PRKD1: variants seen among roughly 807,000 people sequenced by gnomAD.
PRKD1 encodes serine/threonine-protein kinase D1.
A neutral mutation model predicts 95.9 loss-of-function variants in PRKD1; 63 were observed. The ratio of observed to expected loss-of-function variants is 0.66; its 90% CI spans 0.54 to 0.81. PRKD1 has a LOEUF of 0.81. PRKD1 is among the 30% of genes least tolerant of loss of function. The pLI, the probability that PRKD1 is intolerant of heterozygous loss-of-function variation, is 0.00. For missense variants in PRKD1, 1,048 were observed against 1,165.3 expected (o/e 0.90, Z 1.47); for synonymous variants, 425 against 423.1 (o/e 1.00, Z -0.05).
At chr14:29,620,088 T>C (rs1182435764) in intron 13 of PRKD1, among the ~76,000 whole-genome samples, 1 of 151,756 alleles carries the variant, frequency 6.6e-6, no homozygotes, top group Non-Finnish European at 1.5e-5. Flanking sequence ...ATTCCCTATT[T>C]AATAAATGGT....
intron 1 of PRKD1, among the ~76,000 whole-genome samples, chr14:29,783,556 A>G (rs948879422): frequency 6.6e-6 from 1 of 152,208 alleles, no homozygotes; most frequent in Non-Finnish European, 1.5e-5. Context: ...TTCCATTTTA[A>G]GTTTCTAAGA....
At chr14:29,682,716 T>C (rs529757075) in intron 2 of PRKD1, among the ~76,000 whole-genome samples, 1 of 152,158 alleles carries the variant, frequency 6.6e-6, no homozygotes, top group Admixed American at 6.5e-5. Flanking sequence ...TAAACACAAT[T>C]ATAGGTAGAA....
intron 4 of PRKD1, chr14:29,656,399 T>C (rs1881840907): frequency 7.3e-7 from 1 of 1,374,158 alleles, no homozygotes; most frequent in Non-Finnish European, 1.0e-6. Context: ...CAGACAATTG[T>C]CTGATGTCAG....
chr14:29,697,962 T>A (rs916763427), intron 2 of PRKD1, among the ~76,000 whole-genome samples: 7 of 152,164 alleles, frequency 4.6e-5, no homozygotes, highest in African/African-American at 1.7e-4. Flanking sequence ...CTAAAGTAAC[T>A]TGAGGTCAAA....
intron 13 of PRKD1, among the ~76,000 whole-genome samples, chr14:29,619,453 T>G (rs1160489142): frequency 6.6e-6 from 1 of 152,214 alleles, no homozygotes; most frequent in Non-Finnish European, 1.5e-5. Context: ...AGCTAATATA[T>G]GCCAGGAACA....
At chr14:29,759,256 GA>G (rs909988201) in intron 1 of PRKD1, among the ~76,000 whole-genome samples, 1 of 151,814 alleles carries the variant, frequency 6.6e-6, no homozygotes, top group African/African-American at 2.4e-5. Flanking sequence ...AAAAAAAAAA[GA>G]AGAGAAAAAA....
intron 2 of PRKD1, among the ~76,000 whole-genome samples, chr14:29,722,726 A>G (rs1458330720): frequency 2.0e-5 from 3 of 152,172 alleles, no homozygotes; most frequent in African/African-American, 7.2e-5. Context: ...TGTGTGTCCT[A>G]TGTGGCTCGG....
intron 1 of PRKD1, among the ~76,000 whole-genome samples, chr14:29,901,429 C>T (rs1328278227): frequency 1.3e-5 from 2 of 152,156 alleles, no homozygotes. Flanking sequence ...TACCCTAAAC[C>T]TCAGCATCAT....
chr14:29,808,434 T>C (rs547976776), intron 1 of PRKD1, among the ~76,000 whole-genome samples: 1 of 140,608 alleles, frequency 7.1e-6, no homozygotes, highest in East Asian at 2.2e-4. Flanking sequence ...AGTTTTGCTC[T>C]TGTCGCCCAG....
At chr14:29,797,266 T>G (rs959957426) in intron 1 of PRKD1, among the ~76,000 whole-genome samples, 1 of 152,204 alleles carries the variant, frequency 6.6e-6, no homozygotes, top group Admixed American at 6.5e-5. Context: ...TTTAGGAGGA[T>G]ATCAGTATGC....
At chr14:29,670,385 A>C (rs1882770561) in intron 2 of PRKD1, among the ~76,000 whole-genome samples, 1 of 152,204 alleles carries the variant, frequency 6.6e-6, no homozygotes, top group Non-Finnish European at 1.5e-5. Flanking sequence ...CATCCAAGAG[A>C]GGAATTGTAC....
chr14:29,765,367 T>C (rs1291069703), intron 1 of PRKD1, among the ~76,000 whole-genome samples: 2 of 150,642 alleles, frequency 1.3e-5, no homozygotes, highest in African/African-American at 5.0e-5. Flanking sequence ...CTGAATACTT[T>C]AGTATCGAGC....
intron 1 of PRKD1, among the ~76,000 whole-genome samples, chr14:29,914,142 C>A (rs140513380): frequency 6.6e-6 from 1 of 152,218 alleles, no homozygotes; most frequent in African/African-American, 2.4e-5. Flanking sequence ...TATATAGACA[C>A]ACTTACATCT....
chr14:29,645,586 T>C (rs1314390284), intron 4 of PRKD1, among the ~76,000 whole-genome samples: 1 of 152,264 alleles, frequency 6.6e-6, no homozygotes. Context: ...TCGAGATGGA[T>C]CTATCTAATT....
chr14:29,634,272 G>T, intron 8 of PRKD1, 146 bp downstream of exon 8: 2 of 1,243,100 alleles, frequency 1.6e-6, no homozygotes, highest in Non-Finnish European at 2.3e-6. Context: ...CCCAGAGACT[G>T]TAATGCACCT....
chr14:29,629,509 T>C (rs567164123), intron 10 of PRKD1, among the ~76,000 whole-genome samples: 1 of 152,276 alleles, frequency 6.6e-6, no homozygotes, highest in East Asian at 1.9e-4. Context: ...AGCACTAAAA[T>C]AGGCATATAT....
At chr14:29,811,596 C>T (rs920913194) in intron 1 of PRKD1, among the ~76,000 whole-genome samples, 6 of 152,180 alleles carry the variant, frequency 3.9e-5, no homozygotes, top group African/African-American at 1.2e-4. Context: ...GGGGCTCCTG[C>T]GTCAGACCCT....
intron 13 of PRKD1, among the ~76,000 whole-genome samples, chr14:29,609,056 C>A (rs1006847795): frequency 6.6e-6 from 1 of 152,160 alleles, no homozygotes; most frequent in Non-Finnish European, 1.5e-5. Context: ...TTGACTGTTA[C>A]ATCAACGAGG....
intron 1 of PRKD1, among the ~76,000 whole-genome samples, chr14:29,755,624 T>C (rs1467031135): frequency 6.6e-6 from 1 of 152,158 alleles, no homozygotes. Flanking sequence ...TCTAAAACTT[T>C]GCTCCTAACT....
Sources: allele counts gnomAD v4.1 joint callset (sites outside exome capture counted in the v4.1 genomes callset), GRCh38; gene constraint gnomAD v4.1.1; transcripts MANE v1.5; gene names NCBI Gene and HGNC (gene_info 2026-07-23, HGNC 2026-07-21).